SLC14A2: variants seen among roughly 807,000 people sequenced by gnomAD.
SLC14A2 encodes solute carrier family 14 member 2.
Under a neutral mutation model 104.6 loss-of-function variants are expected in SLC14A2, and 91 were observed. The observed-to-expected ratio is 0.87, with a 90% CI of 0.73 to 1.04. SLC14A2 has a LOEUF of 1.04. Ranked by LOEUF, SLC14A2 falls within the 50% of genes least tolerant of loss-of-function variation. SLC14A2 has a pLI of 0.00. For synonymous variants in SLC14A2, 476 were observed against 466.4 expected, an observed-to-expected ratio of 1.02 and a Z score of -0.27; for missense variants, 1,189 against 1,156.0, an observed-to-expected ratio of 1.03 and a Z score of -0.41.
intron 19 of SLC14A2, 145 bp from the exon 20 acceptor site, chr18:45,682,173 AT>A: frequency 1.4e-6 from 1 of 739,528 alleles, no homozygotes; most frequent in East Asian, 2.5e-5. Flanking sequence ...CACTGGCATG[AT>A]TTTATTTATA....
chr18:45,193,174 A>T, the SLC14A2 span, among the ~76,000 whole-genome samples: 1 of 152,130 alleles, frequency 6.6e-6, no homozygotes, highest in Non-Finnish European at 1.5e-5. Context: ...ATTTTCTCCC[A>T]ATCTGTAACT....
chr18:45,394,786 A>G (rs1293774837), intron 1 of SLC14A2, among the ~76,000 whole-genome samples: 3 of 152,070 alleles, frequency 2.0e-5, no homozygotes, highest in Non-Finnish European at 2.9e-5. Context: ...TGGTTTGCAA[A>G]TATTTTCTCC....
chr18:45,372,134 A>G (rs1020546164), intron 1 of SLC14A2, among the ~76,000 whole-genome samples: 1 of 152,084 alleles, frequency 6.6e-6, no homozygotes, highest in African/African-American at 2.4e-5. Context: ...CAACGTGGCA[A>G]AACTCCATCT....
At chr18:45,347,403 A>G (rs1354840450) in intron 1 of SLC14A2, among the ~76,000 whole-genome samples, 7 of 152,236 alleles carry the variant, frequency 4.6e-5, no homozygotes, top group Non-Finnish European at 1.0e-4. Flanking sequence ...TACCTACCTG[A>G]CATTGATTCA....
intron 1 of SLC14A2, among the ~76,000 whole-genome samples, chr18:45,223,320 T>G (rs903582872): frequency 1.3e-5 from 2 of 152,098 alleles, no homozygotes; most frequent in South Asian, 2.1e-4. Context: ...CCGTGGGTCA[T>G]GCATTAAGCA....
At chr18:45,463,853 A>G (rs547735294) in intron 1 of SLC14A2, among the ~76,000 whole-genome samples, 4 of 152,300 alleles carry the variant, frequency 2.6e-5, no homozygotes, top group African/African-American at 7.2e-5. Context: ...TAAGCACTTT[A>G]TGACAGGGCT....
chr18:45,459,969 G>A (rs2087014048), intron 1 of SLC14A2, among the ~76,000 whole-genome samples: 1 of 152,104 alleles, frequency 6.6e-6, no homozygotes, highest in Non-Finnish European at 1.5e-5. Flanking sequence ...TTCCCACCAG[G>A]TACCTGGGGC....
At chr18:45,337,424 T>C (rs1599685473) in intron 1 of SLC14A2, among the ~76,000 whole-genome samples, 1 of 152,310 alleles carries the variant, frequency 6.6e-6, no homozygotes, top group Non-Finnish European at 1.5e-5. Flanking sequence ...AATTCTGCCA[T>C]ATGCACACAA....
At chr18:45,549,523 A>G (rs1026194583) in intron 2 of SLC14A2, among the ~76,000 whole-genome samples, 2 of 152,146 alleles carry the variant, frequency 1.3e-5, no homozygotes, top group African/African-American at 4.8e-5. Flanking sequence ...AGCAGGGGGG[A>G]AGAAATCCGT....
At position 45,663,616 on chromosome 18, in the gene SLC14A2, T is replaced by C. The variant is rs146599112; in HGVS notation, c.1352-169T>C. ...GAAGTAGAAGTTTTAATGGGAGAAATAGAGAAGCTAAGTGTTTTATGCAGA... is the reference window on the plus strand; with the variant it reads ...GAAGTAGAAGTTTTAATGGGAGAAACAGAGAAGCTAAGTGTTTTATGCAGA... On this transcript the variant is annotated intron_variant, in intron 10 of 19. Transcript: ENST00000255226. Among the ~76,000 whole-genome samples the C allele has an allele frequency of 3.2e-3, 492 of 152,178 alleles. 2 individuals are homozygous for C. Among genetic ancestry groups the C allele is most frequent in the African/African-American group, 0.01 (431 of 41,512 alleles).
At chr18:45,600,713 G>A (rs560768006) in intron 2 of SLC14A2, among the ~76,000 whole-genome samples, 1 of 152,202 alleles carries the variant, frequency 6.6e-6, no homozygotes, top group Non-Finnish European at 1.5e-5. Flanking sequence ...CATGAACCAA[G>A]GGAGGCAGCA....
intron 2 of SLC14A2, among the ~76,000 whole-genome samples, chr18:45,572,051 G>T (rs1268966746): frequency 6.6e-6 from 1 of 152,124 alleles, no homozygotes; most frequent in East Asian, 1.9e-4. Flanking sequence ...TTTTTTTAAA[G>T]CTCCCCAGTG....
chr18:45,423,458 A>G (rs1469510472), intron 1 of SLC14A2, among the ~76,000 whole-genome samples: 1 of 152,168 alleles, frequency 6.6e-6, no homozygotes, highest in Non-Finnish European at 1.5e-5. Flanking sequence ...ATGTTGTAAA[A>G]TGCTGTCCTA....
intron 1 of SLC14A2, among the ~76,000 whole-genome samples, chr18:45,216,984 G>A (rs2084016804): frequency 6.6e-6 from 1 of 152,054 alleles, no homozygotes; most frequent in Non-Finnish European, 1.5e-5. Context: ...GTCTAACATT[G>A]AGTTGCCAGG....
intron 1 of SLC14A2, among the ~76,000 whole-genome samples, chr18:45,432,210 C>A (rs372677548): frequency 6.6e-6 from 1 of 152,114 alleles, no homozygotes; most frequent in Admixed American, 6.5e-5. Flanking sequence ...ACTCCCAGCA[C>A]GGAACCCTCC....
intron 1 of SLC14A2, among the ~76,000 whole-genome samples, chr18:45,387,109 T>G (rs974320213): frequency 6.6e-6 from 1 of 152,220 alleles, no homozygotes; most frequent in African/African-American, 2.4e-5. Flanking sequence ...TCACAGATAT[T>G]CTACTCATTG....
At chr18:45,364,654 G>A (rs2085648665) in intron 1 of SLC14A2, among the ~76,000 whole-genome samples, 1 of 152,204 alleles carries the variant, frequency 6.6e-6, no homozygotes, top group Non-Finnish European at 1.5e-5. Context: ...TCCATGATAT[G>A]TCATTATAAA....
At chr18:45,189,771 G>A in the SLC14A2 span, among the ~76,000 whole-genome samples, 1 of 152,292 alleles carries the variant, frequency 6.6e-6, no homozygotes, top group African/African-American at 2.4e-5. Flanking sequence ...TCATCCATGT[G>A]GGGGGAGTTT....
At chr18:45,335,072 G>A (rs2085326034) in intron 1 of SLC14A2, among the ~76,000 whole-genome samples, 1 of 152,142 alleles carries the variant, frequency 6.6e-6, no homozygotes, top group African/African-American at 2.4e-5. Context: ...ATTAAAGTAT[G>A]CAATTTGCTA....
Sources: allele counts gnomAD v4.1 joint callset (sites outside exome capture counted in the v4.1 genomes callset), GRCh38; gene constraint gnomAD v4.1.1; transcripts MANE v1.5; gene names NCBI Gene and HGNC (gene_info 2026-07-23, HGNC 2026-07-21).